IL1RAPL1: variants seen among roughly 807,000 people sequenced by gnomAD.
IL1RAPL1 encodes interleukin-1 receptor accessory protein-like 1.
In IL1RAPL1, 3 loss-of-function variants were observed where a neutral mutation model predicts 48.4. The observed-to-expected ratio is 0.06, with a 90% confidence interval of 0.03 to 0.16. The LOEUF is 0.16. Ranked by LOEUF, IL1RAPL1 falls within the 10% of genes least tolerant of loss-of-function variation. The probability of loss-of-function intolerance (pLI) is 1.00; values close to 1 mark genes in which losing one functional copy is unlikely to be tolerated. For synonymous variants in IL1RAPL1, 185 were observed against 187.7 expected (o/e 0.99, Z 0.12); for missense variants, 349 against 530.6 (o/e 0.66, Z 3.36).
chrX:29,646,830 A>T (rs765785243), intron 5 of IL1RAPL1, among the ~76,000 whole-genome samples: 1 of 111,503 alleles, frequency 9.0e-6, no homozygotes, highest in African/African-American at 3.3e-5. Context: ...AAGGAAAAAC[A>T]TGCCCACCAA....
intron 2 of IL1RAPL1, among the ~76,000 whole-genome samples, chrX:29,155,301 C>T (rs1929547820): frequency 8.9e-6 from 1 of 112,089 alleles, no homozygotes; most frequent in Non-Finnish European, 1.9e-5. Flanking sequence ...CATGAGCCAC[C>T]ATGCCTGGTG....
At chrX:29,321,393 G>A (rs1932802713) in intron 3 of IL1RAPL1, among the ~76,000 whole-genome samples, 1 of 111,986 alleles carries the variant, frequency 8.9e-6, no homozygotes, top group Non-Finnish European at 1.9e-5. Flanking sequence ...ACATCACTTT[G>A]AAGCCATTTA....
intron 6 of IL1RAPL1, among the ~76,000 whole-genome samples, chrX:29,895,942 G>A (rs983213732): frequency 8.9e-6 from 1 of 111,831 alleles, no homozygotes; most frequent in South Asian, 3.7e-4. Flanking sequence ...ATGAATGAGA[G>A]AAACAGCCAA....
chrX:28,650,362 C>A (rs1022839324), intron 1 of IL1RAPL1, among the ~76,000 whole-genome samples: 1 of 111,177 alleles, frequency 9.0e-6, no homozygotes, highest in Non-Finnish European at 1.9e-5. Flanking sequence ...CAAGGAGGAA[C>A]AAGTCACGTT....
chrX:28,711,869 A>T (rs1016947295), intron 1 of IL1RAPL1, among the ~76,000 whole-genome samples: 1 of 110,276 alleles, frequency 9.1e-6, no homozygotes, highest in African/African-American at 3.3e-5. Context: ...TATAGCTCAG[A>T]TATATAAAGA....
At chrX:29,151,839 T>G (rs1003082360) in intron 2 of IL1RAPL1, among the ~76,000 whole-genome samples, 1 of 110,793 alleles carries the variant, frequency 9.0e-6, no homozygotes, top group Non-Finnish European at 1.9e-5. Flanking sequence ...TGAAAGGACT[T>G]AGATATGAAA....
chrX:29,023,471 C>G (rs181309638), intron 2 of IL1RAPL1, among the ~76,000 whole-genome samples: 77 of 112,605 alleles, frequency 6.8e-4, no homozygotes, highest in African/African-American at 2.4e-3. Context: ...ATTTAACAAA[C>G]TGTTCATTTT....
At chrX:29,180,793 T>G (rs776948386) in intron 2 of IL1RAPL1, among the ~76,000 whole-genome samples, 62 of 111,864 alleles carry the variant, frequency 5.5e-4, no homozygotes, top group African/African-American at 1.9e-3. Context: ...CAAACATAAT[T>G]CCTTTTTCAT....
intron 5 of IL1RAPL1, among the ~76,000 whole-genome samples, chrX:29,526,178 C>G (rs1395148195): frequency 8.9e-6 from 1 of 111,767 alleles, no homozygotes; most frequent in Non-Finnish European, 1.9e-5. Context: ...GTCCGTTGAA[C>G]TCTGTTTCAG....
chrX:29,419,161 T>G (rs1602226331), intron 5 of IL1RAPL1, among the ~76,000 whole-genome samples: 1 of 111,792 alleles, frequency 8.9e-6, no homozygotes, highest in East Asian at 2.8e-4. Context: ...TGCACTCTTC[T>G]GGATGGCGGA....
chrX:28,697,126 C>T (rs1935241543), intron 1 of IL1RAPL1, among the ~76,000 whole-genome samples: 1 of 111,302 alleles, frequency 9.0e-6, no homozygotes, highest in South Asian at 3.7e-4. Context: ...ATGACTTGTA[C>T]ATTGGACTTT....
intron 6 of IL1RAPL1, among the ~76,000 whole-genome samples, chrX:29,896,006 T>TA (rs1285282103): frequency 1.6e-4 from 18 of 111,303 alleles, no homozygotes; most frequent in Non-Finnish European, 2.8e-4. Flanking sequence ...AAAGTGGTTG[T>TA]AAAAAAAGCC....
intron 2 of IL1RAPL1, among the ~76,000 whole-genome samples, chrX:28,952,095 C>T (rs750406477): frequency 1.6e-4 from 18 of 110,916 alleles, no homozygotes; most frequent in Admixed American, 1.4e-3. Flanking sequence ...TAGAGAATTT[C>T]CCCATACACA....
intron 6 of IL1RAPL1, among the ~76,000 whole-genome samples, chrX:29,913,393 T>TACACACACAC (rs775944840): frequency 9.4e-6 from 1 of 105,921 alleles, no homozygotes; most frequent in Non-Finnish European, 1.9e-5. Context: ...GACACAGTGA[T>TACACACACAC]ACACACACAC....
At chrX:29,175,447 G>C (rs1044019295) in intron 2 of IL1RAPL1, among the ~76,000 whole-genome samples, 15 of 111,667 alleles carry the variant, frequency 1.3e-4, no homozygotes, top group Non-Finnish European at 2.3e-4. Flanking sequence ...ATGCAATTCA[G>C]TATTTGAAAA....
intron 3 of IL1RAPL1, among the ~76,000 whole-genome samples, chrX:29,375,492 G>A (rs1423499917): frequency 1.8e-5 from 2 of 111,023 alleles, no homozygotes; most frequent in Admixed American, 1.9e-4. Flanking sequence ...CTAGAAATGT[G>A]TTTGGCTTTC....
chrX:28,818,723 C>T (rs1284739196), intron 2 of IL1RAPL1, among the ~76,000 whole-genome samples: 1 of 110,157 alleles, frequency 9.1e-6, no homozygotes, highest in Admixed American at 9.8e-5. Context: ...TTTAAAAGGT[C>T]TCATGAAATT....
At chrX:29,310,150 A>C (rs12010815) in intron 3 of IL1RAPL1, among the ~76,000 whole-genome samples, 1 of 91,521 alleles carries the variant, frequency 1.1e-5, no homozygotes. Flanking sequence ...AAAAAAAAAC[A>C]AAAAAAGGGT....
chrX:29,609,258 C>T (rs1023169768), intron 5 of IL1RAPL1, among the ~76,000 whole-genome samples: 1 of 112,041 alleles, frequency 8.9e-6, no homozygotes, highest in South Asian at 3.7e-4. Context: ...TGGCCTATCC[C>T]GGATCTAAGC....
Sources: allele counts gnomAD v4.1 joint callset (sites outside exome capture counted in the v4.1 genomes callset), GRCh38; gene constraint gnomAD v4.1.1; transcripts MANE v1.5; gene names NCBI Gene and HGNC (gene_info 2026-07-23, HGNC 2026-07-21).